SYN2: variants seen among roughly 807,000 people sequenced by gnomAD.
The protein encoded by SYN2 is synapsin II.
In SYN2, 19 loss-of-function variants were observed where a neutral mutation model predicts 50.9. That is an observed-to-expected ratio of 0.37 (90% CI 0.26 to 0.55). The LOEUF is 0.55. Among genes scored for constraint, SYN2 ranks in the 20% least tolerant of loss-of-function variants. The pLI, the probability that SYN2 is intolerant of heterozygous loss-of-function variation, is 0.81. For missense variants in SYN2, 587 were observed against 576.4 expected (o/e 1.02, Z -0.19); for synonymous variants, 255 against 224.9 (o/e 1.13, Z -1.20).
At chr3:12,019,164 G>A (rs1694078727) in intron 1 of SYN2, among the ~76,000 whole-genome samples, 1 of 152,182 alleles carries the variant, frequency 6.6e-6, no homozygotes, top group South Asian at 2.1e-4. Flanking sequence ...AAATAGTCTG[G>A]GAGATTTTTA....
chr3:12,184,818 G>T, intron 11 of SYN2: 1 of 985,806 alleles, frequency 1.0e-6, no homozygotes, highest in Non-Finnish European at 1.2e-6. Context: ...CTGGGAACGG[G>T]CACCAAGCAG....
chr3:12,136,849 C>T (rs1335243767), intron 1 of SYN2, among the ~76,000 whole-genome samples: 1 of 152,156 alleles, frequency 6.6e-6, no homozygotes, highest in Non-Finnish European at 1.5e-5. Context: ...ACAGGCACTA[C>T]AGATATTTTT....
chr3:12,169,627 T>G, intron 9 of SYN2, 130 bp from the exon 10 acceptor site: 2 of 991,772 alleles, frequency 2.0e-6, no homozygotes, highest in Non-Finnish European at 1.5e-6. Context: ...CACTTCCAGC[T>G]GAAGAGAAGA....
In SYN2 at chr3:12,168,416, G is replaced by A. The variant is rs369598543; in HGVS notation, c.1096G>A (p.Gly366Ser). The A allele has an allele frequency of 3.1e-6, 5 of 1,613,958 alleles. No homozygotes were observed. The highest frequency in any genetic ancestry group is 2.2e-5 in the East Asian group (1 of 44,882). The change falls in exon 9 of 13, where the codon GGC becomes AGC. Residue 366 changes from glycine (G) to serine (S), a missense_variant. Physicochemically the swap from Gly to Ser is moderately conservative, Grantham distance 56. Transcript: ENST00000621198. ...WVDTCSEMFG[G>S]LDICAVKAVH... The stretch of plus-strand genomic sequence containing the variant: ...GGACACCTGCTCTGAGATGTTTGGC[G>A]GCCTGGACATCTGTGCTGTCAAAGC...
chr3:12,076,327 T>C (rs1695466765), intron 1 of SYN2, among the ~76,000 whole-genome samples: 1 of 152,036 alleles, frequency 6.6e-6, no homozygotes, highest in Non-Finnish European at 1.5e-5. Flanking sequence ...GCCATGAAAA[T>C]GTTAGGCAAA....
At chr3:12,043,460 G>A (rs943799946) in intron 1 of SYN2, among the ~76,000 whole-genome samples, 3 of 151,996 alleles carry the variant, frequency 2.0e-5, no homozygotes, top group Non-Finnish European at 4.4e-5. Context: ...TATATAACCC[G>A]GTATATTTTA....
chr3:12,084,801 C>T (rs1437183131), intron 1 of SYN2, among the ~76,000 whole-genome samples: 7 of 152,050 alleles, frequency 4.6e-5, no homozygotes, highest in Admixed American at 4.6e-4. Context: ...TGTAAGTGAT[C>T]AAAGCTGTTA....
At chr3:12,057,392 G>T (rs1204661102) in intron 1 of SYN2, among the ~76,000 whole-genome samples, 1 of 150,228 alleles carries the variant, frequency 6.7e-6, no homozygotes, top group East Asian at 2.0e-4. Context: ...CATGAACAAA[G>T]ATATTTGAAA....
intron 1 of SYN2, among the ~76,000 whole-genome samples, chr3:12,006,347 TA>T (rs1693800692): frequency 1.3e-5 from 2 of 151,968 alleles, no homozygotes; most frequent in South Asian, 4.2e-4. Flanking sequence ...TGGAAGAGGG[TA>T]ATGGGGAAAG....
intron 1 of SYN2, among the ~76,000 whole-genome samples, chr3:12,058,915 T>G (rs1017712749): frequency 6.6e-6 from 1 of 152,172 alleles, no homozygotes; most frequent in African/African-American, 2.4e-5. Flanking sequence ...AGCACTTGAG[T>G]CCCACATTCC....
intron 1 of SYN2, among the ~76,000 whole-genome samples, chr3:12,112,200 A>G (rs956873509): frequency 6.6e-6 from 1 of 152,188 alleles, no homozygotes; most frequent in Non-Finnish European, 1.5e-5. Context: ...GCACTGGTGT[A>G]CAAGTAAAAT....
chr3:12,067,616 G>GA (rs34794670), intron 1 of SYN2, among the ~76,000 whole-genome samples: 13,957 of 130,568 alleles, frequency 0.11, 1,947 homozygotes, highest in African/African-American at 0.34. Flanking sequence ...ATCTTAACCA[G>GA]AAAAAAAAAA....
intron 1 of SYN2, among the ~76,000 whole-genome samples, chr3:12,104,630 G>A (rs149769005): frequency 0.016 from 2,160 of 135,200 alleles, 27 homozygotes; most frequent in Middle Eastern, 0.04. Flanking sequence ...GCTGGAGTGC[G>A]GTGGAGCGAT....
intron 1 of SYN2, among the ~76,000 whole-genome samples, chr3:12,033,193 G>A (rs949415517): frequency 6.6e-5 from 10 of 152,040 alleles, no homozygotes; most frequent in African/African-American, 1.4e-4. Context: ...TAGGCTGCTC[G>A]GGGGTCAGGG....
At chr3:12,044,207 A>ACACCCACC (rs1553610016) in intron 1 of SYN2, among the ~76,000 whole-genome samples, 1 of 144,818 alleles carries the variant, frequency 6.9e-6, no homozygotes, top group Non-Finnish European at 1.5e-5. Flanking sequence ...ACACACACAC[A>ACACCCACC]CACACACACA....
At chr3:12,091,133 G>T (rs1214553017) in intron 1 of SYN2, among the ~76,000 whole-genome samples, 1 of 152,100 alleles carries the variant, frequency 6.6e-6, no homozygotes, top group Non-Finnish European at 1.5e-5. Flanking sequence ...GCTTTCAGAG[G>T]TGGGATTGTA....
chr3:12,104,190 T>C (rs1696131477), intron 1 of SYN2, among the ~76,000 whole-genome samples: 1 of 152,204 alleles, frequency 6.6e-6, no homozygotes, highest in Admixed American at 6.5e-5. Flanking sequence ...TGGAGTACAG[T>C]GGCATGATCA....
chr3:12,030,584 A>T (rs1324452084), intron 1 of SYN2, among the ~76,000 whole-genome samples: 2 of 151,286 alleles, frequency 1.3e-5, no homozygotes, highest in Non-Finnish European at 2.9e-5. Context: ...CAGAGATTCA[A>T]CTTCTTCCTG....
intron 5 of SYN2, among the ~76,000 whole-genome samples, chr3:12,160,416 C>G (rs1275867007): frequency 2.0e-5 from 3 of 152,198 alleles, no homozygotes; most frequent in Admixed American, 6.5e-5. Context: ...CTGTTCAAAT[C>G]TTAGTTCCCA....
Sources: allele counts gnomAD v4.1 joint callset (sites outside exome capture counted in the v4.1 genomes callset), GRCh38; gene constraint gnomAD v4.1.1; transcripts MANE v1.5; gene names NCBI Gene and HGNC (gene_info 2026-07-23, HGNC 2026-07-21).